The following PCDH9 variants were observed in gnomAD, a reference collection of about 807,000 sequenced individuals.
The protein encoded by PCDH9 is protocadherin-9.
PCDH9 carries 24 observed loss-of-function variants against 70.6 expected under a neutral mutation model. That is an observed-to-expected ratio of 0.34 (90% confidence interval 0.25 to 0.48). The LOEUF (loss-of-function observed/expected upper bound fraction) is 0.48. Ranked by LOEUF, PCDH9 falls within the 20% of genes least tolerant of loss-of-function variation. PCDH9 has a pLI of 0.99. For synonymous variants in PCDH9, 562 were observed against 558.5 expected, an observed-to-expected ratio of 1.01 and a Z score of -0.09; for missense variants, 1,281 against 1,503.6, an observed-to-expected ratio of 0.85 and a Z score of 2.45.
intron 2 of PCDH9, chr13:67,214,935 G>GATCTATATAT (rs2089556441): frequency 1.1e-5 from 1 of 89,248 alleles, no homozygotes; most frequent in African/African-American, 4.5e-5. Context: ...TTGCGAGCCA[G>GATCTATATAT]ATATATATAT....
intron 3 of PCDH9, among the ~76,000 whole-genome samples, chr13:66,807,901 A>G (rs1369567174): frequency 6.6e-6 from 1 of 152,212 alleles, no homozygotes; most frequent in Non-Finnish European, 1.5e-5. Flanking sequence ...TAAAGAAGTC[A>G]GATATACAGC....
intron 2 of PCDH9, among the ~76,000 whole-genome samples, chr13:67,033,047 T>C (rs924564934): frequency 1.3e-5 from 2 of 152,176 alleles, no homozygotes; most frequent in Non-Finnish European, 2.9e-5. Context: ...AAATACAAGC[T>C]GCAGTTACTT....
chr13:67,159,360 A>G (rs1332255366), intron 2 of PCDH9, among the ~76,000 whole-genome samples: 1 of 152,162 alleles, frequency 6.6e-6, no homozygotes, highest in Non-Finnish European at 1.5e-5. Context: ...CTAAGGGAAA[A>G]GGTTTACTGC....
intron 3 of PCDH9, among the ~76,000 whole-genome samples, chr13:66,812,648 A>C (rs758883899): frequency 3.9e-5 from 6 of 152,240 alleles, no homozygotes; most frequent in Admixed American, 3.3e-4. Context: ...AGAACAAGGC[A>C]GAGTACTACA....
chr13:66,930,865 T>C (rs2082796066), intron 2 of PCDH9, among the ~76,000 whole-genome samples: 2 of 152,138 alleles, frequency 1.3e-5, no homozygotes, highest in South Asian at 4.1e-4. Context: ...CAAATTTCCT[T>C]TTTATGACAA....
At chr13:67,150,749 AC>A (rs527985755) in intron 2 of PCDH9, among the ~76,000 whole-genome samples, 28 of 152,300 alleles carry the variant, frequency 1.8e-4, no homozygotes, top group Admixed American at 1.6e-3. Flanking sequence ...AAATAAAGTA[AC>A]TTGTACTCGC....
At position 67,228,247 on chromosome 13, in the gene PCDH9, C is replaced by A. The variant is rs747739380; in HGVS notation, c.194G>T (p.Arg65Ile). Residue 65 changes from arginine (R) to isoleucine (I), a missense_variant, in exon 2 of 5, where the codon AGA (arginine) becomes ATA (isoleucine). By Grantham distance (97) the Arg-to-Ile change is moderately conservative. Coordinates refer to ENST00000377865, the MANE Select transcript of PCDH9 (RefSeq NM_203487.3). ...GGCATCCCCAGCTTTAGAAACCAGT[C>A]TGTAGACAAGGCTGGCGCTGGTCCC... ...ATGTSASLVYRLVSKAGDAPL... is the reference protein window; with the variant it reads ...ATGTSASLVYILVSKAGDAPL... 4 of 1,612,938 alleles carry A rather than the reference C, an allele frequency of 2.5e-6. No individual in the cohort carries two copies. In the Admixed American group the frequency reaches 5.0e-5, roughly 20 times the overall value.
At chr13:66,902,407 T>C (rs1381737190) in intron 3 of PCDH9, among the ~76,000 whole-genome samples, 1 of 151,740 alleles carries the variant, frequency 6.6e-6, no homozygotes, top group African/African-American at 2.4e-5. Context: ...ATCAAAGTAG[T>C]TTCTTCAATA....
chr13:66,531,539 T>G (rs992621118), intron 4 of PCDH9, among the ~76,000 whole-genome samples: 3 of 152,116 alleles, frequency 2.0e-5, no homozygotes, highest in Non-Finnish European at 4.4e-5. Context: ...TTTCATTCAC[T>G]TGATATTCTT....
intron 3 of PCDH9, among the ~76,000 whole-genome samples, chr13:66,730,365 G>A (rs917621380): frequency 2.0e-5 from 3 of 152,080 alleles, no homozygotes; most frequent in South Asian, 2.1e-4. Flanking sequence ...TGTCTGTGAC[G>A]AAATGTGGTC....
intron 2 of PCDH9, among the ~76,000 whole-genome samples, chr13:67,144,796 G>A (rs1477038718): frequency 6.6e-6 from 1 of 152,140 alleles, no homozygotes; most frequent in African/African-American, 2.4e-5. Context: ...ACATACAAAT[G>A]TTCTGTAACT....
At chr13:66,641,170 A>T (rs1033169112) in intron 3 of PCDH9, among the ~76,000 whole-genome samples, 1 of 152,128 alleles carries the variant, frequency 6.6e-6, no homozygotes, top group African/African-American at 2.4e-5. Context: ...TGTAATGGAG[A>T]TCTATCACTG....
intron 2 of PCDH9, among the ~76,000 whole-genome samples, chr13:67,017,528 G>T (rs2139852606): frequency 6.6e-6 from 1 of 152,302 alleles, no homozygotes; most frequent in East Asian, 1.9e-4. Context: ...TACTGTGTGT[G>T]TGCCCATGAT....
At chr13:66,717,191 C>T (rs1294531256) in intron 3 of PCDH9, among the ~76,000 whole-genome samples, 2 of 151,836 alleles carry the variant, frequency 1.3e-5, no homozygotes, top group African/African-American at 4.8e-5. Context: ...CACGGTGGCT[C>T]ACGCCTGTAA....
chr13:67,057,680 A>T (rs2085449645), intron 2 of PCDH9, among the ~76,000 whole-genome samples: 2 of 152,086 alleles, frequency 1.3e-5, no homozygotes, highest in Admixed American at 1.3e-4. Flanking sequence ...TACAAATGAC[A>T]ATTAATTGGC....
chr13:66,755,924 T>G (rs543835109), intron 3 of PCDH9, among the ~76,000 whole-genome samples: 5 of 152,122 alleles, frequency 3.3e-5, no homozygotes, highest in African/African-American at 1.2e-4. Flanking sequence ...TGCAGTTGAG[T>G]GGCTTTCTGT....
intron 3 of PCDH9, among the ~76,000 whole-genome samples, chr13:66,679,827 T>A (rs542325156): frequency 1.6e-4 from 25 of 152,078 alleles, no homozygotes; most frequent in Middle Eastern, 3.4e-3. Flanking sequence ...TTAGTTCACC[T>A]GACTCACCTG....
intron 2 of PCDH9, among the ~76,000 whole-genome samples, chr13:67,014,541 T>C (rs1264627023): frequency 6.6e-6 from 1 of 152,138 alleles, no homozygotes; most frequent in Non-Finnish European, 1.5e-5. Context: ...CTTAATCATA[T>C]CTACTTGGCT....
intron 3 of PCDH9, among the ~76,000 whole-genome samples, chr13:66,741,816 C>T (rs1272397151): frequency 0.024 from 1,104 of 46,022 alleles, 63 homozygotes; most frequent in African/African-American, 0.054. Context: ...AGGAGAACTA[C>T]AAACCACTGC....
Sources: gnomAD v4.1 joint callset for allele counts (sites outside exome capture counted in the v4.1 genomes callset) on GRCh38, gnomAD v4.1.1 for gene constraint, MANE v1.5 for transcripts, NCBI Gene and HGNC (gene_info 2026-07-23, HGNC 2026-07-21) for gene names.